GRM1: variants seen among roughly 807,000 people sequenced by gnomAD.
The protein encoded by GRM1 is glutamate metabotropic receptor 1.
GRM1 carries 33 observed loss-of-function variants against 90.9 expected under a neutral mutation model. The observed-to-expected ratio is 0.36, with a 90% CI of 0.28 to 0.49. GRM1 has a LOEUF of 0.49. Among genes scored for constraint, GRM1 ranks in the 20% least tolerant of loss-of-function variants. The pLI, the probability that GRM1 is intolerant of heterozygous loss-of-function variation, is 0.99. For missense variants in GRM1, 1,190 were observed against 1,534.3 expected (o/e 0.78, Z 3.75); for synonymous variants, 700 against 613.2 (o/e 1.14, Z -2.09).
chr6:146,368,023 T>C (rs763445298), intron 5 of GRM1, among the ~76,000 whole-genome samples: 1 of 152,170 alleles, frequency 6.6e-6, no homozygotes, highest in African/African-American at 2.4e-5. Context: ...TATTGTTTTG[T>C]GTCCTCTTCA....
chr6:146,337,570 G>A (rs1784819194), intron 3 of GRM1, among the ~76,000 whole-genome samples: 1 of 152,098 alleles, frequency 6.6e-6, no homozygotes, highest in African/African-American at 2.4e-5. Context: ...ACACGACTTG[G>A]CCTTCTCATG....
chr6:146,394,961 G>A (rs1431581710), intron 6 of GRM1, among the ~76,000 whole-genome samples: 2 of 152,046 alleles, frequency 1.3e-5, no homozygotes, highest in East Asian at 3.9e-4. Flanking sequence ...CTGCTATCCT[G>A]AAAATGTCTT....
chr6:146,266,059 C>CGA (rs1781875243), intron 2 of GRM1, among the ~76,000 whole-genome samples: 2 of 151,828 alleles, frequency 1.3e-5, no homozygotes, highest in African/African-American at 2.4e-5. Flanking sequence ...TATGGTGGTG[C>CGA]GTGCCTGTAA....
chr6:146,352,401 C>G lies in GRM1; in HGVS notation c.1338C>G (p.Asp446Glu). The change falls in exon 4 of 8, where the codon GAC becomes GAG. Residue 446 changes from aspartate to glutamate, a missense_variant. Asp to Glu is a conservative substitution (Grantham distance 45). Around this residue, in one of 10 missense-constraint regions of GRM1, gnomAD observed 414 missense variants for 598.4 expected, o/e 0.69. Coordinates refer to ENST00000282753, the MANE Select transcript of GRM1 (RefSeq NM_001278064.2). ...VGLCDAMKPI[D>E]GSKLLDFLIK... ...TCTGCGATGCCATGAAGCCCATCGA[C>G]GGCAGCAAGCTGCTGGACTTCCTCA... The G allele has an allele frequency of 1.2e-6, 2 of 1,614,070 alleles. No individual in the cohort carries two copies. The highest frequency in any genetic ancestry group is 1.7e-6 in the Non-Finnish European group (2 of 1,179,882).
intron 7 of GRM1, among the ~76,000 whole-genome samples, chr6:146,420,018 A>C (rs1364736169): frequency 1.3e-5 from 2 of 152,200 alleles, no homozygotes; most frequent in Non-Finnish European, 1.5e-5. Context: ...AGGAAATGAA[A>C]GGCCAGAGAG....
At chr6:146,380,354 A>C in intron 5 of GRM1, among the ~76,000 whole-genome samples, 1 of 143,820 alleles carries the variant, frequency 7.0e-6, no homozygotes, top group Non-Finnish European at 1.5e-5. Context: ...CCCCCTTTCC[A>C]AAGGGCACCC....
intron 2 of GRM1, 46 bp from the exon 3 acceptor site, chr6:146,304,565 G>T (rs1223553852): frequency 8.1e-7 from 1 of 1,240,974 alleles, no homozygotes; most frequent in South Asian, 1.2e-5. Flanking sequence ...CTATTTGTGA[G>T]ATGTTTGTCT....
intron 1 of GRM1, among the ~76,000 whole-genome samples, chr6:146,123,952 C>G (rs552460511): frequency 7.8e-4 from 119 of 152,260 alleles, no homozygotes; most frequent in African/African-American, 2.7e-3. Context: ...CAGAAAAACT[C>G]TGTTTCGAGT....
chr6:146,045,484 C>T (rs1288566389), intron 1 of GRM1, among the ~76,000 whole-genome samples: 1 of 151,848 alleles, frequency 6.6e-6, no homozygotes, highest in African/African-American at 2.4e-5. Flanking sequence ...ACACTTGGTA[C>T]ACATTTGTTC....
intron 2 of GRM1, among the ~76,000 whole-genome samples, chr6:146,242,516 C>T (rs192529169): frequency 6.6e-6 from 1 of 152,242 alleles, no homozygotes; most frequent in East Asian, 1.9e-4. Flanking sequence ...ACATGCCACC[C>T]ACCCAGATTC....
At chr6:146,251,124 A>G (rs776625411) in intron 2 of GRM1, among the ~76,000 whole-genome samples, 25 of 152,222 alleles carry the variant, frequency 1.6e-4, no homozygotes, top group Non-Finnish European at 1.8e-4. Context: ...GTTAGTGGCC[A>G]TCTATCTCTT....
At chr6:146,433,601 A>G (rs1435587629) in intron 7 of GRM1, among the ~76,000 whole-genome samples, 1 of 151,828 alleles carries the variant, frequency 6.6e-6, no homozygotes, top group Non-Finnish European at 1.5e-5. Context: ...CAACGGAGAA[A>G]AAAGAGAGGT....
At chr6:146,433,142 T>A (rs971052765) in intron 7 of GRM1, among the ~76,000 whole-genome samples, 3 of 152,192 alleles carry the variant, frequency 2.0e-5, no homozygotes, top group African/African-American at 7.2e-5. Context: ...AGAGTGAAAA[T>A]CCCAAACCAG....
intron 2 of GRM1, among the ~76,000 whole-genome samples, chr6:146,279,326 C>T (rs1433002713): frequency 2.0e-5 from 3 of 151,938 alleles, no homozygotes; most frequent in Non-Finnish European, 4.4e-5. Flanking sequence ...TTTGCTTTAA[C>T]TTCTATTACA....
intron 3 of GRM1, among the ~76,000 whole-genome samples, chr6:146,350,026 C>T (rs1476067600): frequency 6.6e-6 from 1 of 152,088 alleles, no homozygotes; most frequent in Non-Finnish European, 1.5e-5. Context: ...GTTGCTAACA[C>T]TAACTTTCTC....
intron 3 of GRM1, among the ~76,000 whole-genome samples, chr6:146,316,451 T>C (rs1783971547): frequency 6.6e-6 from 1 of 152,180 alleles, no homozygotes; most frequent in Non-Finnish European, 1.5e-5. Context: ...CGTGGCATCT[T>C]TGTGGGACTG....
intron 3 of GRM1, among the ~76,000 whole-genome samples, chr6:146,326,844 C>A (rs959204008): frequency 6.6e-6 from 1 of 152,030 alleles, no homozygotes. Flanking sequence ...TACAAAAATC[C>A]TGACAATATG....
At chr6:146,120,556 A>G (rs2128877019) in intron 1 of GRM1, among the ~76,000 whole-genome samples, 1 of 152,304 alleles carries the variant, frequency 6.6e-6, no homozygotes, top group South Asian at 2.1e-4. Context: ...CCAATTCAGT[A>G]TGATATTGGC....
intron 3 of GRM1, 101 bp downstream of exon 3, chr6:146,304,947 C>A (rs1562595470): frequency 2.4e-6 from 2 of 850,108 alleles, no homozygotes; most frequent in East Asian, 5.0e-5. Context: ...GGCTAGAGAT[C>A]CAAAGACAAA....
Sources: gnomAD v4.1 joint callset for allele counts (sites outside exome capture counted in the v4.1 genomes callset) on GRCh38, gnomAD v4.1.1 for gene constraint, gnomAD v4.1.1 regional missense constraint, MANE v1.5 for transcripts, NCBI Gene and HGNC (gene_info 2026-07-23, HGNC 2026-07-21) for gene names.